Variants in SKAP1 observed in about 807,000 individuals in gnomAD.
SKAP1 encodes the protein src kinase-associated phosphoprotein 1.
In SKAP1, 44 loss-of-function variants were observed where a neutral mutation model predicts 58.5. The ratio of observed to expected loss-of-function variants is 0.75; its 90% CI spans 0.59 to 0.97. The LOEUF (loss-of-function observed/expected upper bound fraction) is 0.97, where lower values mean the gene tolerates loss of function less well. Ranked by LOEUF, SKAP1 falls within the 50% of genes least tolerant of loss-of-function variation. The pLI is 0.00. For missense variants in SKAP1, 390 were observed against 435.2 expected (o/e 0.90, Z 0.92); for synonymous variants, 127 against 149.7 (o/e 0.85, Z 1.11).
chr17:48,368,990 C>A (rs2067047335), intron 2 of SKAP1, among the ~76,000 whole-genome samples: 1 of 151,694 alleles, frequency 6.6e-6, no homozygotes, highest in South Asian at 2.1e-4. Flanking sequence ...ACTAAAAATA[C>A]AAAAAAATTA....
chr17:48,431,381 G>A (rs553792826), upstream of SKAP1, among the ~76,000 whole-genome samples: 2 of 152,334 alleles, frequency 1.3e-5, no homozygotes, highest in East Asian at 3.9e-4. Flanking sequence ...TGGTGTTTGA[G>A]ATGGGCTCTG....
At chr17:48,290,635 T>C (rs981461255) in intron 4 of SKAP1, among the ~76,000 whole-genome samples, 22 of 134,742 alleles carry the variant, frequency 1.6e-4, no homozygotes, top group Admixed American at 3.9e-4. Context: ...CATCATGTCA[T>C]TTCATTTATT....
intron 11 of SKAP1, among the ~76,000 whole-genome samples, chr17:48,140,367 C>T (rs1483393573): frequency 6.6e-6 from 1 of 152,220 alleles, no homozygotes; most frequent in Non-Finnish European, 1.5e-5. Context: ...TACTTCTTCT[C>T]ATTCTCCTTT....
At chr17:48,230,047 A>G (rs1447246056) in intron 4 of SKAP1, among the ~76,000 whole-genome samples, 4 of 145,126 alleles carry the variant, frequency 2.8e-5, no homozygotes, top group Non-Finnish European at 6.0e-5. Context: ...CAGACCTTGA[A>G]CTGAAAAATC....
chr17:48,237,393 CT>C (rs1383329476), intron 4 of SKAP1, among the ~76,000 whole-genome samples: 1 of 152,102 alleles, frequency 6.6e-6, no homozygotes, highest in African/African-American at 2.4e-5. Flanking sequence ...TAAAAATGTT[CT>C]GGTCAAAACT....
At chr17:48,384,490 G>A (rs2067252948) in intron 2 of SKAP1, among the ~76,000 whole-genome samples, 1 of 152,136 alleles carries the variant, frequency 6.6e-6, no homozygotes, top group African/African-American at 2.4e-5. Context: ...CTAGAGTTGT[G>A]CAGGGCCCAA....
intron 4 of SKAP1, among the ~76,000 whole-genome samples, chr17:48,295,211 A>G (rs10514943): frequency 0.031 from 4,779 of 152,304 alleles, 104 homozygotes; most frequent in South Asian, 0.056. Context: ...GCAAGATCAC[A>G]GTCAAGTTCA....
intron 4 of SKAP1, among the ~76,000 whole-genome samples, chr17:48,252,713 AGT>A (rs71141977): frequency 0.051 from 7,407 of 144,900 alleles, 214 homozygotes; most frequent in Admixed American, 0.063. Context: ...GCTCTAAGCT[AGT>A]GTGTGTGTGT....
At chr17:48,397,094 T>C in intron 1 of SKAP1, 1 of 427,292 alleles carries the variant, frequency 2.3e-6, no homozygotes, top group Non-Finnish European at 3.1e-6. Context: ...GTTCTAATAA[T>C]CCAAGACCTT....
intron 11 of SKAP1, among the ~76,000 whole-genome samples, chr17:48,155,067 CAAA>C (rs142211653): frequency 3.9e-5 from 5 of 128,816 alleles, no homozygotes; most frequent in Non-Finnish European, 6.9e-5. Flanking sequence ...GACTCTGTCT[CAAA>C]AAAAAAAAAA....
At chr17:48,305,584 G>A (rs2066129189) in intron 4 of SKAP1, among the ~76,000 whole-genome samples, 3 of 152,186 alleles carry the variant, frequency 2.0e-5, no homozygotes, top group Non-Finnish European at 4.4e-5. Context: ...TGGAAAAGAT[G>A]GAGTGCCTCA....
chr17:48,399,040 AC>A (rs200001111), intron 1 of SKAP1, among the ~76,000 whole-genome samples: 18 of 151,512 alleles, frequency 1.2e-4, no homozygotes, highest in South Asian at 2.1e-4. Context: ...AAACAAACAA[AC>A]AAAAAAAACC....
At chr17:48,135,270 ACC>A (rs1194335222) in intron 12 of SKAP1, among the ~76,000 whole-genome samples, 1 of 152,064 alleles carries the variant, frequency 6.6e-6, no homozygotes, top group Non-Finnish European at 1.5e-5. Flanking sequence ...GCCATTCTTT[ACC>A]CCCAGCAGTG....
intron 1 of SKAP1, among the ~76,000 whole-genome samples, chr17:48,414,475 A>G (rs1731935964): frequency 1.3e-5 from 2 of 152,214 alleles, no homozygotes. Flanking sequence ...TGAAAGATTA[A>G]TATGGAGGGC....
At chr17:48,152,337 C>T (rs779264013) in intron 11 of SKAP1, among the ~76,000 whole-genome samples, 6 of 152,120 alleles carry the variant, frequency 3.9e-5, no homozygotes, top group Non-Finnish European at 4.4e-5. Context: ...CACGCAATAC[C>T]AAGAAATGGT....
Position 48,179,446 on chromosome 17 carries a change from T to G in SKAP1, c.826+608A>C, listed in dbSNP as rs529253114. Among the ~76,000 whole-genome samples, 571 of 152,296 alleles carry G rather than the reference T, an allele frequency of 3.7e-3. 2 individuals carry two copies. Among genetic ancestry groups the G allele is most frequent in the Non-Finnish European group, 4.9e-3 (336 of 68,026 alleles). On this transcript the variant is annotated intron_variant, in intron 9 of 12. Transcript: ENST00000336915. ...TTTTTGAGATGCTAGTTTTCATGCC[T>G]TTGGAAGAAAGGAAATATATTGAGT...
At chr17:48,274,564 C>T (rs1265833252) in intron 4 of SKAP1, among the ~76,000 whole-genome samples, 1 of 152,048 alleles carries the variant, frequency 6.6e-6, no homozygotes, top group Non-Finnish European at 1.5e-5. Flanking sequence ...GGTGTGGTGG[C>T]AGGCGCCTGT....
At chr17:48,270,738 GGC>G (rs2065619899) in intron 4 of SKAP1, among the ~76,000 whole-genome samples, 1 of 152,020 alleles carries the variant, frequency 6.6e-6, no homozygotes, top group African/African-American at 2.4e-5. Flanking sequence ...AAAAGGTCAA[GGC>G]TATTTTTTAC....
intron 4 of SKAP1, among the ~76,000 whole-genome samples, chr17:48,238,016 C>T (rs530779443): frequency 6.0e-5 from 9 of 150,700 alleles, no homozygotes; most frequent in South Asian, 4.2e-4. Context: ...GTTTTTGAGA[C>T]GGAGCCTGGC....
Sources: gnomAD v4.1 joint callset for allele counts (sites outside exome capture counted in the v4.1 genomes callset) on GRCh38, gnomAD v4.1.1 for gene constraint, MANE v1.5 for transcripts, NCBI Gene and HGNC (gene_info 2026-07-23, HGNC 2026-07-21) for gene names.